The following GPR179 variants were observed in gnomAD, a reference collection of about 807,000 sequenced individuals.
GPR179 encodes G protein-coupled receptor 179, also known as probable G protein-coupled receptor 179.
In GPR179, 52 loss-of-function variants were observed where a neutral mutation model predicts 70.8. The ratio of observed to expected loss-of-function variants is 0.73; its 90% confidence interval spans 0.59 to 0.93. GPR179 has a LOEUF of 0.93. Among genes scored for constraint, GPR179 ranks in the 40% least tolerant of loss-of-function variants. The probability of loss-of-function intolerance (pLI) is 0.00; values close to 1 mark genes in which losing one functional copy is unlikely to be tolerated. For missense variants in GPR179, 2,734 were observed against 2,966.8 expected (o/e 0.92, Z 1.82); for synonymous variants, 1,123 against 1,169.0 (o/e 0.96, Z 0.80).
In GPR179 at chr17:38,327,140, C is replaced by A; in HGVS notation, c.6429G>T (p.Gly2143=). The part of the protein sequence containing the change: ...WEAGGGAAEE[G]EQERESQGQG... ...GCCCTTGTGATTCTCTTTCCTGTTC[C>A]CCTTCCTCTGCTGCTCCTCCACCCG... Residue 2143 remains glycine, a synonymous_variant, in exon 11 of 11, where the codon GGG becomes GGT. Coordinates refer to ENST00000616987, the MANE Select transcript of GPR179 (RefSeq NM_001004334.4). 2 of 1,614,258 alleles carry A rather than the reference C, an allele frequency of 1.2e-6. No homozygotes were observed. The highest frequency in any genetic ancestry group is 1.7e-6 in the Non-Finnish European group (2 of 1,180,044).
rs776824900 is a variant in GPR179 at position 38,336,144 on chromosome 17, T to G, written c.1228A>C (p.Arg410=). 1.2e-6 allele frequency: 2 copies of G among 1,609,170 alleles called. No homozygotes were observed. The highest frequency in any genetic ancestry group is 1.1e-5 in the South Asian group (1 of 91,000). Reference sequence around the variant, plus strand: ...AGGACCACTCCAGATGCCCAGATCCTCTGTGAAGCAAGGAGAGAGGCATGT... The same window carrying G: ...AGGACCACTCCAGATGCCCAGATCCGCTGTGAAGCAAGGAGAGAGGCATGT... ...LVSYRCRRNK[R]IWASGVVLLE... Residue 410 remains arginine, a splice_region_variant and synonymous_variant, in exon 5 of 11, where the codon AGG becomes CGG. Coordinates refer to ENST00000616987, the MANE Select transcript of GPR179 (RefSeq NM_001004334.4).
Position 38,327,459 on chromosome 17 carries a change from C to T in GPR179, c.6110G>A (p.Gly2037Glu), listed in dbSNP as rs768079066. 30 of 1,614,110 alleles carry T rather than the reference C, an allele frequency of 1.9e-5. No individual in the cohort carries two copies. In the South Asian group the frequency reaches 3.1e-4, roughly 17 times the overall value. The change falls in exon 11 of 11, where the codon GGA (glycine) becomes GAA (glutamate). Residue 2037 changes from glycine (G) to glutamate (E), a missense_variant. Gly to Glu is a moderately conservative substitution (Grantham distance 98, BLOSUM62 -2). Transcript: ENST00000616987. ...TTTCTCTTCTTGAGAGTCCCCTTTT[C>T]CATCCTGCCTTGACACCCCTTTGAC... ...IPVKGVSRQD[G>E]KGDSQEEKGR...
At chr17:38,339,021 T>C (rs1259264319) in intron 2 of GPR179, among the ~76,000 whole-genome samples, 3 of 152,130 alleles carry the variant, frequency 2.0e-5, no homozygotes, top group Non-Finnish European at 4.4e-5. Context: ...CAATGGAACA[T>C]CCTTTGTGGG....
Position 38,328,673 on chromosome 17 carries a change from G to A in GPR179, c.4896C>T (p.Val1632=), listed in dbSNP as rs1466910954. The stretch of plus-strand genomic sequence containing the variant: ...GCCCCTCAGGCTTTTCCCAAGCTGT[G>A]ACATCTTCGATTTCCGATTTTCCAG... ...KMPGKSEIED[V]TAWEKPEGQI... Residue 1632 remains valine, a synonymous_variant, in exon 11 of 11, where the codon GTC becomes GTT. Coordinates refer to ENST00000616987, the MANE Select transcript of GPR179 (RefSeq NM_001004334.4). The A allele has an allele frequency of 8.1e-6, 13 of 1,614,118 alleles. No individual in the cohort carries two copies. The highest frequency in any genetic ancestry group is 1.1e-5 in the Non-Finnish European group (13 of 1,180,016).
chr17:38,343,919 T>G lies in GPR179; in HGVS notation c.-130A>C. The G allele has an allele frequency of 1.4e-6, 1 of 735,996 alleles. No homozygotes were observed. The highest frequency in any genetic ancestry group is 2.9e-5 in the Admixed American group (1 of 34,290). 45.6% of individuals were successfully genotyped at this position (735,996 alleles called of 1,614,324 possible). Reference sequence around the variant, plus strand: ...TTCCTTCTTCCTCTCTCCGTCTCCCTCTCACGCTGGTGCCAGCTCGCCTGC... The same window carrying G: ...TTCCTTCTTCCTCTCTCCGTCTCCCGCTCACGCTGGTGCCAGCTCGCCTGC... On this transcript the variant is annotated 5_prime_UTR_variant, in exon 1 of 11. Coordinates refer to ENST00000616987, the MANE Select transcript of GPR179 (RefSeq NM_001004334.4). The surrounding 1 kb of genome is among the most constrained non-coding windows in gnomAD (Gnocchi z 4.2).
In GPR179 at chr17:38,335,662, G is replaced by A. The variant is rs750769537; in HGVS notation, c.1335C>T (p.Cys445=). Residue 445 remains cysteine (C), a synonymous_variant, in exon 6 of 11, where the codon TGC becomes TGT. Transcript: ENST00000616987. The part of the protein sequence containing the change: ...ILYFKPSVFR[C]IALRWVRLLG... ...GCAGCCGCACCCAGCGAAGAGCGATGCAGCGGAATACACTGGGCTTGAAGT... is the reference window on the plus strand; with the variant it reads ...GCAGCCGCACCCAGCGAAGAGCGATACAGCGGAATACACTGGGCTTGAAGT... 4.3e-6 allele frequency: 7 copies of A among 1,613,990 alleles called. No homozygotes were observed. The highest frequency in any genetic ancestry group is 1.7e-5 in the Admixed American group (1 of 60,006).
At chr17:38,342,905 GT>G in intron 1 of GPR179, 90 bp downstream of exon 1, 1 of 1,274,412 alleles carries the variant, frequency 7.8e-7, no homozygotes, top group Non-Finnish European at 1.1e-6. Flanking sequence ...GCACATGTTC[GT>G]GCCAAATGGC....
rs551091212 is a variant in GPR179, at chr17:38,335,907, G to A, written c.1296+169C>T. On this transcript the variant is annotated intron_variant, in intron 5 of 10. Coordinates refer to ENST00000616987, the MANE Select transcript of GPR179 (RefSeq NM_001004334.4). Reference sequence around the variant, plus strand: ...GTCACAGAGCTCCTAATAAGCCTGAGGCTCCAGAGCTCATAGACCAGCTTG... The same window carrying A: ...GTCACAGAGCTCCTAATAAGCCTGAAGCTCCAGAGCTCATAGACCAGCTTG... Among the ~76,000 whole-genome samples the A allele has an allele frequency of 3.9e-5, 6 of 152,316 alleles. No homozygotes were observed. In the South Asian group the frequency reaches 1.2e-3, roughly 32 times the overall value.
Position 38,327,779 on chromosome 17 carries a change from G to A in GPR179, c.5790C>T (p.Thr1930=), listed in dbSNP as rs2037303753. 7 of 1,614,086 alleles carry A rather than the reference G, an allele frequency of 4.3e-6. No homozygotes were observed. In the South Asian group the frequency reaches 7.7e-5, roughly 18 times the overall value. The change falls in exon 11 of 11, where the codon ACC becomes ACT. Residue 1930 remains threonine (T), a synonymous_variant. Transcript: ENST00000616987. ...TGTCTGCAGCTGGAGCTTTTTCTTG[G>A]GTTATGTGTTCTGGGAAGGAACCTG... is the stretch of plus-strand genomic sequence containing the variant. ...PKTGSFPEHI[T]QEKAPAADTE...
At position 38,326,531 on chromosome 17, in the gene GPR179, T is replaced by C; in HGVS notation, c.7038A>G (p.Gln2346=). ...QSSSLTEDSG[Q]VAFEAQYEEF... ...CTTCATACTGAGCTTCAAAAGCCACTTGGCCTGAGTCTTCAGTTAAGGACG... is the reference window on the plus strand; with the variant it reads ...CTTCATACTGAGCTTCAAAAGCCACCTGGCCTGAGTCTTCAGTTAAGGACG... The change falls in exon 11 of 11, where the codon CAA becomes CAG. Residue 2346 remains glutamine, a synonymous_variant. Transcript: ENST00000616987. 1 of 1,614,144 alleles carries C rather than the reference T, an allele frequency of 6.2e-7. No homozygotes were observed. Among genetic ancestry groups the C allele is most frequent in the South Asian group, 1.1e-5 (1 of 91,078 alleles).
At chr17:38,339,393 GC>G in intron 2 of GPR179, 23 bp downstream of exon 2, 2 of 1,461,298 alleles carry the variant, frequency 1.4e-6, no homozygotes, top group Non-Finnish European at 1.9e-6. Context: ...CTCTAGTAGC[GC>G]CCCCCATCCT....
Position 38,329,811 on chromosome 17 carries a change from G to C in GPR179, c.3758C>G (p.Thr1253Arg), listed in dbSNP as rs781377071. The C allele has an allele frequency of 2.5e-6, 4 of 1,614,128 alleles. No individual in the cohort carries two copies. The Admixed American group carries it at 6.7e-5, about 27-fold the overall frequency. ...CTTGTTGCCACTGTCTGGCTGACGC[G>C]TTTCTGATTCAGTGACCTCCCAGGG... ...VCPWEVTESE[T>R]RQPDSGNKAE... The change falls in exon 11 of 11, where the codon ACG (threonine) becomes AGG (arginine). Residue 1253 changes from threonine to arginine, a missense_variant. Physicochemically the swap from Thr to Arg is moderately conservative, Grantham distance 71. Coordinates refer to ENST00000616987, the MANE Select transcript of GPR179 (RefSeq NM_001004334.4).
In GPR179 at chr17:38,334,980, GA is replaced by G; in HGVS notation, c.1645+52del. On this transcript the variant is annotated intron_variant, in intron 7 of 10. Coordinates refer to ENST00000616987, the MANE Select transcript of GPR179 (RefSeq NM_001004334.4). The surrounding 1 kb of genome is among the most constrained non-coding windows in gnomAD (Gnocchi z 4.7). Reference sequence around the variant, plus strand: ...GAGAACCAGAACAAGAGGAACCCTGGAGGCACAGAGGCAGGGACCAGCGTAA... The same window carrying G: ...GAGAACCAGAACAAGAGGAACCCTGGGGCACAGAGGCAGGGACCAGCGTAA... 6.3e-7 allele frequency: 1 copy of G among 1,580,930 alleles called. No homozygotes were observed. The highest frequency in any genetic ancestry group is 1.7e-5 in the Admixed American group (1 of 59,308).
At chr17:38,339,634 T>C in intron 1 of GPR179, 109 bp from the exon 2 acceptor site, 2 of 761,890 alleles carry the variant, frequency 2.6e-6, no homozygotes, top group Non-Finnish European at 4.6e-6. Context: ...TATGGCACTT[T>C]GGCATGCTGA....
Position 38,329,770 on chromosome 17 carries a change from A to T in GPR179, c.3799T>A (p.Trp1267Arg), listed in dbSNP as rs1461408167. The change falls in exon 11 of 11, where the codon TGG becomes AGG. Residue 1267 changes from tryptophan (W) to arginine (R), a missense_variant. Transcript: ENST00000616987. ...TCTGGGGCTCCTTCACTCGTCTCCC[A>T]GGGGCAGATTTCGGCCTTGTTGCCA... ...DSGNKAEICP[W>R]ETSEGAPESR... is the part of the protein sequence containing the mutation. The T allele has an allele frequency of 1.9e-6, 3 of 1,613,914 alleles. No homozygotes were observed. The highest frequency in any genetic ancestry group is 2.5e-6 in the Non-Finnish European group (3 of 1,180,038).
intron 10 of GPR179, among the ~76,000 whole-genome samples, chr17:38,332,233 T>A (rs1467367502): frequency 2.0e-5 from 3 of 152,116 alleles, no homozygotes; most frequent in Non-Finnish European, 4.4e-5. Flanking sequence ...CTCTGCTTTG[T>A]GGGCCTGTAA....
rs920797848 is a variant in GPR179 at position 38,325,572 on chromosome 17, G to C, written c.*893C>G. 2 of 152,298 alleles carry C rather than the reference G, an allele frequency of 1.3e-5. No individual in the cohort carries two copies. The highest frequency in any genetic ancestry group is 6.5e-5 in the Admixed American group (1 of 15,286). The allele number at this position is 152,298 out of a possible 1,614,324, so 9.4% of individuals were successfully genotyped here. A position where few individuals can be genotyped will look rare whatever the true frequency, so the allele number is the denominator to read the frequency against. On this transcript the variant is annotated 3_prime_UTR_variant, in exon 11 of 11. Coordinates refer to ENST00000616987, the MANE Select transcript of GPR179 (RefSeq NM_001004334.4). ...GTTGATGGCAGCGCTGAAAAGCTAGGGGGAAGGAAATGAGCCAGTGAGACG... is the reference window on the plus strand; with the variant it reads ...GTTGATGGCAGCGCTGAAAAGCTAGCGGGAAGGAAATGAGCCAGTGAGACG...
chr17:38,337,656 A>ATCTACACTT lies in GPR179; in HGVS notation c.967_968insAAGTGTAGA (p.Phe323delinsTer). 1 of 1,606,590 alleles carries ATCTACACTT rather than the reference A, an allele frequency of 6.2e-7. No homozygotes were observed. Among genetic ancestry groups the ATCTACACTT allele is most frequent in the Non-Finnish European group, 8.5e-7 (1 of 1,176,650 alleles). Reference sequence around the variant, plus strand: ...ACCCCCAGAGGGGCTTGCCCCGTAGAATCCAGGTCGGCAGCGGCAGAGGTA... The same window carrying ATCTACACTT: ...ACCCCCAGAGGGGCTTGCCCCGTAGATCTACACTTATCCAGGTCGGCAGCGGCAGAGGTA... On this transcript the variant is annotated stop_gained, in exon 3 of 11. Coordinates refer to ENST00000616987, the MANE Select transcript of GPR179 (RefSeq NM_001004334.4). LOFTEE classifies it high-confidence loss of function.
In GPR179 at chr17:38,328,478, C is replaced by G. The variant is rs537158734; in HGVS notation, c.5091G>C (p.Leu1697Phe). Reference protein sequence around the residue: ...DICPLDVEENLTAGKAEICPW... With the variant: ...DICPLDVEENFTAGKAEICPW... ...GACAGATTTCTGCCTTCCCAGCAGTCAAGTTTTCCTCCACATCCAAAGGGC... is the reference window on the plus strand; with the variant it reads ...GACAGATTTCTGCCTTCCCAGCAGTGAAGTTTTCCTCCACATCCAAAGGGC... Residue 1697 changes from leucine (L) to phenylalanine (F), a missense_variant, in exon 11 of 11, where the codon TTG becomes TTC. Physicochemically the swap from Leu to Phe is conservative, Grantham distance 22. Transcript: ENST00000616987. The G allele has an allele frequency of 2.7e-5, 43 of 1,611,644 alleles. No homozygotes were observed. The South Asian group carries it at 4.2e-4, about 16-fold the overall frequency.
Sources: gnomAD v4.1 joint callset for allele counts (sites outside exome capture counted in the v4.1 genomes callset) on GRCh38, gnomAD v4.1.1 for gene constraint, Gnocchi (gnomAD v3.1) non-coding constraint, MANE v1.5 for transcripts, NCBI Gene and HGNC (gene_info 2026-07-23, HGNC 2026-07-21) for gene names.